Variants in BABAM2 observed in about 807,000 individuals in gnomAD.
BABAM2 encodes BRISC and BRCA1 A complex member 2, also known as BRISC and BRCA1-A complex member 2.
BABAM2 carries 31 observed loss-of-function variants against 54.7 expected under a neutral mutation model. The ratio of observed to expected loss-of-function variants is 0.57; its 90% CI spans 0.43 to 0.77. The LOEUF (loss-of-function observed/expected upper bound fraction) is 0.77, where lower values mean the gene tolerates loss of function less well. Ranked by LOEUF, BABAM2 falls within the 30% of genes least tolerant of loss-of-function variation. The probability of loss-of-function intolerance (pLI) is 0.00; values close to 1 mark genes in which losing one functional copy is unlikely to be tolerated. For missense variants in BABAM2, 364 were observed against 455.8 expected (o/e 0.80, Z 1.83); for synonymous variants, 167 against 162.9 (o/e 1.03, Z -0.19).
At chr2:28,296,565 T>C (rs1238429525) in intron 10 of BABAM2, among the ~76,000 whole-genome samples, 1 of 152,212 alleles carries the variant, frequency 6.6e-6, no homozygotes, top group Non-Finnish European at 1.5e-5. Context: ...TCCTTAAAAG[T>C]CTGCTGCGGA....
intron 4 of BABAM2, among the ~76,000 whole-genome samples, chr2:27,998,472 AG>A (rs1400044024): frequency 6.6e-6 from 1 of 151,660 alleles, no homozygotes; most frequent in Non-Finnish European, 1.5e-5. Flanking sequence ...TACATTTTTC[AG>A]TTTTTTTTTT....
intron 4 of BABAM2, chr2:28,016,206 T>C (rs1674799930): frequency 9.3e-7 from 1 of 1,071,840 alleles, no homozygotes; most frequent in South Asian, 1.3e-5. Context: ...TTTTTCTTTC[T>C]CTGTCTTTTT....
At position 27,936,825 on chromosome 2, in the gene BABAM2, C is replaced by T. The variant is rs539446414; in HGVS notation, c.205+6917C>T. Among the ~76,000 whole-genome samples, 5 of 152,158 alleles carry T rather than the reference C, an allele frequency of 3.3e-5. No homozygotes were observed. The East Asian group carries it at 7.7e-4, about 24-fold the overall frequency. ...GGGTAGGGGCAGGGGGGAGGGATAG[C>T]ATTAGGAGATATACGTAATGCTAAA... On this transcript the variant is annotated intron_variant, in intron 3 of 11. Transcript: ENST00000379624.
intron 7 of BABAM2, among the ~76,000 whole-genome samples, chr2:28,178,990 C>T (rs574256374): frequency 1.4e-4 from 22 of 151,998 alleles, no homozygotes; most frequent in Admixed American, 5.2e-4. Flanking sequence ...AGATTGAATC[C>T]GTAATAAAAA....
At chr2:28,259,228 C>T (rs1425205889) in intron 10 of BABAM2, among the ~76,000 whole-genome samples, 2 of 150,006 alleles carry the variant, frequency 1.3e-5, no homozygotes, top group African/African-American at 4.9e-5. Flanking sequence ...GCTGGGACTA[C>T]AGGCACACGC....
chr2:27,978,253 C>T (rs1343264291), intron 3 of BABAM2, among the ~76,000 whole-genome samples: 1 of 152,174 alleles, frequency 6.6e-6, no homozygotes, highest in East Asian at 1.9e-4. Context: ...CTTGCTCTCA[C>T]TGCCACTCTC....
At chr2:27,915,774 C>T (rs886076320) in intron 2 of BABAM2, among the ~76,000 whole-genome samples, 3 of 152,110 alleles carry the variant, frequency 2.0e-5, no homozygotes, top group Admixed American at 1.3e-4. Flanking sequence ...TTCCTTTCTT[C>T]CCCACTCTTC....
intron 7 of BABAM2, among the ~76,000 whole-genome samples, chr2:28,136,841 C>G (rs1670588720): frequency 6.6e-6 from 1 of 152,008 alleles, no homozygotes; most frequent in Non-Finnish European, 1.5e-5. Flanking sequence ...GCTAAAGGAC[C>G]TAGGGAAAGG....
intron 11 of BABAM2, among the ~76,000 whole-genome samples, chr2:28,302,347 G>T (rs1315507872): frequency 2.6e-5 from 4 of 151,792 alleles, no homozygotes; most frequent in African/African-American, 9.7e-5. Flanking sequence ...AACCCAGGAG[G>T]CGGAGGTTGC....
intron 7 of BABAM2, among the ~76,000 whole-genome samples, chr2:28,236,213 A>G (rs1338993924): frequency 1.3e-5 from 2 of 152,176 alleles, no homozygotes; most frequent in Non-Finnish European, 2.9e-5. Context: ...AACTAAGGCA[A>G]AAGGAAAGTG....
At chr2:28,053,509 C>T (rs755583021) in intron 6 of BABAM2, among the ~76,000 whole-genome samples, 60 of 152,276 alleles carry the variant, frequency 3.9e-4, no homozygotes, top group Admixed American at 7.8e-4. Flanking sequence ...CTGTTTACTC[C>T]TGTAATAAGA....
chr2:28,127,632 C>T (rs995025311), intron 6 of BABAM2, among the ~76,000 whole-genome samples: 2 of 152,094 alleles, frequency 1.3e-5, no homozygotes, highest in African/African-American at 2.4e-5. Context: ...ACATGTCACA[C>T]TCATCCATCT....
chr2:28,081,044 T>G (rs921234237), intron 6 of BABAM2, among the ~76,000 whole-genome samples: 9 of 152,192 alleles, frequency 5.9e-5, no homozygotes, highest in African/African-American at 2.2e-4. Flanking sequence ...CCAAAAGAAT[T>G]TTTATTGCAT....
chr2:27,935,414 G>A (rs953080509), intron 3 of BABAM2, among the ~76,000 whole-genome samples: 4 of 152,210 alleles, frequency 2.6e-5, no homozygotes, highest in African/African-American at 9.6e-5. Flanking sequence ...TGGATCCTGA[G>A]AATGTGACTG....
chr2:27,988,524 G>A (rs902187642), intron 4 of BABAM2, among the ~76,000 whole-genome samples: 1 of 152,048 alleles, frequency 6.6e-6, no homozygotes. Flanking sequence ...ACTTGTATCC[G>A]CATTATCTCA....
intron 6 of BABAM2, among the ~76,000 whole-genome samples, chr2:28,088,268 A>G: frequency 6.6e-6 from 1 of 152,196 alleles, no homozygotes. Context: ...ACTAGTACTT[A>G]CAATATTCTC....
intron 6 of BABAM2, among the ~76,000 whole-genome samples, chr2:28,084,334 G>A (rs911441665): frequency 6.6e-6 from 1 of 152,148 alleles, no homozygotes; most frequent in African/African-American, 2.4e-5. Flanking sequence ...AGTGTGCATA[G>A]GATACCTCAG....
At chr2:28,187,811 G>C (rs958760628) in intron 7 of BABAM2, among the ~76,000 whole-genome samples, 2 of 151,820 alleles carry the variant, frequency 1.3e-5, no homozygotes, top group Admixed American at 6.6e-5. Flanking sequence ...TGGGATTACA[G>C]GGTCACACCA....
chr2:28,282,272 C>T (rs1024510313), intron 10 of BABAM2, among the ~76,000 whole-genome samples: 2 of 152,152 alleles, frequency 1.3e-5, no homozygotes, highest in African/African-American at 4.8e-5. Context: ...AAAGTCTGAG[C>T]TCATCATGCC....
Sources: allele counts gnomAD v4.1 joint callset (sites outside exome capture counted in the v4.1 genomes callset), GRCh38; gene constraint gnomAD v4.1.1; transcripts MANE v1.5; gene names NCBI Gene and HGNC (gene_info 2026-07-23, HGNC 2026-07-21).